The following ST14 variants were observed in gnomAD, a reference collection of about 807,000 sequenced individuals.
ST14 encodes the protein suppressor of tumorigenicity 14 protein.
A neutral mutation model predicts 96.5 loss-of-function variants in ST14; 40 were observed. The observed-to-expected ratio is 0.41, with a 90% CI of 0.32 to 0.54. The LOEUF (loss-of-function observed/expected upper bound fraction) is 0.54. Ranked by LOEUF, ST14 falls within the 20% of genes least tolerant of loss-of-function variation. The probability of loss-of-function intolerance (pLI) is 0.17; values close to 1 mark genes in which losing one functional copy is unlikely to be tolerated. For missense variants in ST14, 1,066 were observed against 1,188.9 expected (o/e 0.90, Z 1.52); for synonymous variants, 506 against 492.1 (o/e 1.03, Z -0.37).
intron 7 of ST14, among the ~76,000 whole-genome samples, chr11:130,192,403 C>T (rs1048044742): frequency 6.6e-6 from 1 of 152,142 alleles, no homozygotes; most frequent in Non-Finnish European, 1.5e-5. Context: ...AATTCTTTTT[C>T]TTTGAGATGG....
intron 1 of ST14, among the ~76,000 whole-genome samples, chr11:130,166,005 A>G (rs1454022356): frequency 1.3e-5 from 2 of 152,188 alleles, no homozygotes; most frequent in Non-Finnish European, 2.9e-5. Flanking sequence ...AGCACATAAG[A>G]AGGAAGTGGT....
intron 1 of ST14, among the ~76,000 whole-genome samples, chr11:130,165,458 A>G (rs1953033829): frequency 6.6e-6 from 1 of 152,172 alleles, no homozygotes; most frequent in East Asian, 1.9e-4. Flanking sequence ...TGCTTTGTTA[A>G]GAATCTTTCC....
chr11:130,206,195 C>G (rs141258547), intron 16 of ST14, among the ~76,000 whole-genome samples: 1 of 152,096 alleles, frequency 6.6e-6, no homozygotes, highest in Admixed American at 6.6e-5. Flanking sequence ...TGGGTTTTCC[C>G]GACTGTGTTT....
chr11:130,205,622 G>A (rs1484974838), intron 16 of ST14, among the ~76,000 whole-genome samples: 2 of 151,906 alleles, frequency 1.3e-5, no homozygotes, highest in East Asian at 1.9e-4. Context: ...GAGAAATGGC[G>A]GCATTGCTTT....
chr11:130,182,807 AC>A (rs1226554078), intron 1 of ST14, among the ~76,000 whole-genome samples: 1 of 147,864 alleles, frequency 6.8e-6, no homozygotes, highest in East Asian at 2.0e-4. Flanking sequence ...CCGCCACCAC[AC>A]CTGGCTAATT....
At chr11:130,165,450 C>G (rs1051142515) in intron 1 of ST14, among the ~76,000 whole-genome samples, 3 of 152,114 alleles carry the variant, frequency 2.0e-5, no homozygotes, top group Non-Finnish European at 2.9e-5. Context: ...GCCCTTTTTG[C>G]TTTGTTAAGA....
At position 130,190,098 on chromosome 11, in the gene ST14, C is replaced by CTTCTTA. The variant is rs1326959946; in HGVS notation, c.599-9_599-4dup. Reference sequence around the variant, plus strand: ...TTGTATCAGGAAATGCTTTATTCTCCTTCTTATTCTTCAGCCACGGACTCC... The same window carrying CTTCTTA: ...TTGTATCAGGAAATGCTTTATTCTCCTTCTTATTCTTATTCTTCAGCCACGGACTCC... On this transcript the variant is annotated splice_polypyrimidine_tract_variant and intron_variant, in intron 5 of 18. Transcript: ENST00000278742. 6.2e-7 allele frequency: 1 copy of CTTCTTA among 1,613,664 alleles called. No individual in the cohort carries two copies. The highest frequency in any genetic ancestry group is 8.5e-7 in the Non-Finnish European group (1 of 1,179,648).
At chr11:130,197,472 T>G (rs1215533254) in intron 11 of ST14, among the ~76,000 whole-genome samples, 10 of 152,262 alleles carry the variant, frequency 6.6e-5, no homozygotes, top group Non-Finnish European at 1.2e-4. Context: ...CAGCTGAGCG[T>G]CACAGGCGGG....
intron 16 of ST14, among the ~76,000 whole-genome samples, chr11:130,204,376 C>A (rs73038970): frequency 0.059 from 8,974 of 152,256 alleles, 339 homozygotes; most frequent in Middle Eastern, 0.095. Flanking sequence ...GAATGGGACG[C>A]AAAGGATCTC....
intron 1 of ST14, among the ~76,000 whole-genome samples, chr11:130,182,465 G>A (rs1354378534): frequency 6.6e-6 from 1 of 151,868 alleles, no homozygotes; most frequent in Non-Finnish European, 1.5e-5. Context: ...CAGGACTACA[G>A]GTGCATGCTG....
chr11:130,194,203 C>G lies in ST14; in HGVS notation c.930C>G (p.Asn310Lys). 1 of 1,614,234 alleles carries G rather than the reference C, an allele frequency of 6.2e-7. No homozygotes were observed. Among genetic ancestry groups the G allele is most frequent in the South Asian group, 1.1e-5 (1 of 91,088 alleles). The change falls in exon 8 of 19, where the codon AAC becomes AAG. Residue 310 changes from asparagine to lysine, a missense_variant. Coordinates refer to ENST00000278742, the MANE Select transcript of ST14 (RefSeq NM_021978.4). ...ACCTGACCTTCCACTCCTCCCAGAA[C>G]GTCCTGCTCATCACACTGATAACCA... ...SYNLTFHSSQ[N>K]VLLITLITNT...
At chr11:130,192,115 G>A (rs1276043680) in intron 7 of ST14, among the ~76,000 whole-genome samples, 1 of 152,234 alleles carries the variant, frequency 6.6e-6, no homozygotes, top group Non-Finnish European at 1.5e-5. Flanking sequence ...TGGTGGGTGA[G>A]CCGCCTCTCC....
rs200473133 is a variant in ST14 at position 130,188,833 on chromosome 11, G to A, written c.370-36G>A. On this transcript the variant is annotated intron_variant, in intron 3 of 18. Coordinates refer to ENST00000278742, the MANE Select transcript of ST14 (RefSeq NM_021978.4). This position sits in a 1 kb window ranked among gnomAD's most constrained non-coding sequence, Gnocchi z 5.4. ...CCGGGCTTGGGGCAGGGTCATCGCC[G>A]CATGGGGCTCACCTTGAGTCTCTGC... 1.4e-5 allele frequency: 22 copies of A among 1,607,342 alleles called. No homozygotes were observed. Among genetic ancestry groups the A allele is most frequent in the East Asian group, 8.9e-5 (4 of 44,754 alleles).
intron 9 of ST14, 78 bp from the exon 10 acceptor site, chr11:130,196,261 G>A (rs1329935619): frequency 2.4e-5 from 27 of 1,139,008 alleles, no homozygotes; most frequent in African/African-American, 3.1e-5. Context: ...GGTCCATGCC[G>A]CTGCCTCCCT....
chr11:130,187,397 C>T lies in ST14; in HGVS notation c.82-717C>T, dbSNP rs368246786. ...GGAAGTTGCCATCCTGTCTTTTGGG[C>T]GTTTGGTTTGCTTGCTTTTCCCTCT... On this transcript the variant is annotated intron_variant, in intron 1 of 18. Transcript: ENST00000278742. The surrounding 1 kb of genome is among the most constrained non-coding windows in gnomAD (Gnocchi z 4.5). Among the ~76,000 whole-genome samples the T allele has an allele frequency of 2.0e-5, 3 of 152,116 alleles. No homozygotes were observed. Among genetic ancestry groups the T allele is most frequent in the African/African-American group, 4.8e-5 (2 of 41,418 alleles).
At chr11:130,196,318 C>A in intron 9 of ST14, 21 bp from the exon 10 acceptor site, 1 of 1,559,846 alleles carries the variant, frequency 6.4e-7, no homozygotes, top group East Asian at 2.3e-5. Context: ...TGCACATTCC[C>A]AGCAGCCTCT....
intron 16 of ST14, 62 bp downstream of exon 16, chr11:130,200,199 C>T: frequency 6.3e-7 from 1 of 1,591,868 alleles, no homozygotes; most frequent in Non-Finnish European, 8.6e-7. Flanking sequence ...GGGAGTAATG[C>T]CAGGATAGGT....
chr11:130,175,460 A>G (rs1334395652), intron 1 of ST14, among the ~76,000 whole-genome samples: 1 of 150,844 alleles, frequency 6.6e-6, no homozygotes, highest in Non-Finnish European at 1.5e-5. Flanking sequence ...GCTCATCCCA[A>G]CCTCCGTCTC....
chr11:130,184,900 A>T (rs141267899), intron 1 of ST14, among the ~76,000 whole-genome samples: 3 of 152,326 alleles, frequency 2.0e-5, no homozygotes, highest in African/African-American at 7.2e-5. Context: ...TCTCTGGAGC[A>T]ATGGAACCAT....
Sources: gnomAD v4.1 joint callset for allele counts (sites outside exome capture counted in the v4.1 genomes callset) on GRCh38, gnomAD v4.1.1 for gene constraint, Gnocchi (gnomAD v3.1) non-coding constraint, MANE v1.5 for transcripts, NCBI Gene and HGNC (gene_info 2026-07-23, HGNC 2026-07-21) for gene names.